HERC5: variants seen among roughly 807,000 people sequenced by gnomAD.
The protein encoded by HERC5 is HECT and RLD domain containing E3 ubiquitin protein ligase 5.
HERC5 carries 99 observed loss-of-function variants against 119.6 expected under a neutral mutation model. That is an observed-to-expected ratio of 0.83 (90% CI 0.70 to 0.98). The LOEUF is 0.98. HERC5 is among the 50% of genes least tolerant of loss of function. HERC5 has a pLI of 0.00. For missense variants in HERC5, 1,267 were observed against 1,241.3 expected, an observed-to-expected ratio of 1.02 and a Z score of -0.31; for synonymous variants, 478 against 445.9, an observed-to-expected ratio of 1.07 and a Z score of -0.91.
chr4:88,492,043 GC>G (rs573853068), intron 16 of HERC5, among the ~76,000 whole-genome samples: 208 of 152,094 alleles, frequency 1.4e-3, no homozygotes, highest in Non-Finnish European at 2.2e-3. Flanking sequence ...TCACTCTGTT[GC>G]CCAGGCTGGA....
intron 1 of HERC5, among the ~76,000 whole-genome samples, chr4:88,458,880 A>G (rs1163065483): frequency 6.6e-6 from 1 of 152,188 alleles, no homozygotes; most frequent in Non-Finnish European, 1.5e-5. Context: ...TTAAGAATAT[A>G]GGCATTGGTT....
rs1742095662 is a variant in HERC5 at position 88,506,039 on chromosome 4, A to T, written c.*161A>T. 9.5e-6 allele frequency: 6 copies of T among 633,604 alleles called. No individual in the cohort carries two copies. In the South Asian group the frequency reaches 1.3e-4, roughly 13 times the overall value. The allele number at this position is 633,604 out of a possible 1,614,324, so 39.2% of individuals were successfully genotyped here. A position where few individuals can be genotyped will look rare whatever the true frequency, so the allele number is the denominator to read the frequency against. Reference sequence around the variant, plus strand: ...GATAAGCAGGAAAGAGGGATGAAGAAGAGGGTTTACTGGCCGGTTAGAACC... The same window carrying T: ...GATAAGCAGGAAAGAGGGATGAAGATGAGGGTTTACTGGCCGGTTAGAACC... On this transcript the variant is annotated 3_prime_UTR_variant, in exon 23 of 23. Coordinates refer to ENST00000264350, the MANE Select transcript of HERC5 (RefSeq NM_016323.4).
intron 3 of HERC5, among the ~76,000 whole-genome samples, chr4:88,461,339 G>C (rs1470832698): frequency 6.6e-6 from 1 of 152,148 alleles, no homozygotes; most frequent in Non-Finnish European, 1.5e-5. Context: ...GTATGTACAA[G>C]GGTAAAGGGA....
Position 88,475,928 on chromosome 4 carries a change from C to T in HERC5, c.1480C>T (p.Pro494Ser). Residue 494 changes from proline (P) to serine (S), a missense_variant, in exon 12 of 23, where the codon CCA (proline) becomes TCA (serine). By Grantham distance (74) the Pro-to-Ser change is moderately conservative. Transcript: ENST00000264350. ...QEALEIFFLL[P>S]ECPMMHISNN... ...AGCTTTAGAAATTTTCTTCCTTCTC[C>T]CAGAATGTCCTATGATGCATATTTC... is the stretch of plus-strand genomic sequence containing the variant. 6.2e-7 allele frequency: 1 copy of T among 1,613,930 alleles called. No individual in the cohort carries two copies. The highest frequency in any genetic ancestry group is 1.3e-5 in the African/African-American group (1 of 75,028).
chr4:88,489,215 G>A lies in HERC5; in HGVS notation c.2012G>A (p.Arg671Lys). 6.2e-7 allele frequency: 1 copy of A among 1,613,894 alleles called. No individual in the cohort carries two copies. Among genetic ancestry groups the A allele is most frequent in the Non-Finnish European group, 8.5e-7 (1 of 1,179,910 alleles). Residue 671 changes from arginine (R) to lysine (K), a missense_variant, in exon 16 of 23, where the codon AGA (arginine) becomes AAA (lysine). Physicochemically the swap from Arg to Lys is conservative, Grantham distance 26. Coordinates refer to ENST00000264350, the MANE Select transcript of HERC5 (RefSeq NM_016323.4). ...AGGTCGGCAGCAATTGAGGAAGAAA[G>A]AGAGTCTGAATTCGCTTTGAGGCCC... ...YLRSAAIEEE[R>K]ESEFALRPTF...
In HERC5 at chr4:88,492,999, TC is replaced by T; in HGVS notation, c.2134-12del. The T allele has an allele frequency of 6.2e-7, 1 of 1,613,302 alleles. No individual in the cohort carries two copies. Among genetic ancestry groups the T allele is most frequent in the Non-Finnish European group, 8.5e-7 (1 of 1,179,448 alleles). On this transcript the variant is annotated splice_polypyrimidine_tract_variant and intron_variant, in intron 16 of 22. Coordinates refer to ENST00000264350, the MANE Select transcript of HERC5 (RefSeq NM_016323.4). ...GCCCTGGAAGTGATGTATTATTTGC[TC>T]TGTTTCCTCAGGTTTCATTTAGTGG...
rs529933327 is a variant in HERC5, at chr4:88,483,686, A to G, written c.1738-2429A>G. 2.0e-5 allele frequency among the ~76,000 whole-genome samples: 3 copies of G among 151,618 alleles called. No homozygotes were observed. The South Asian group carries it at 6.3e-4, about 32-fold the overall frequency. On this transcript the variant is annotated intron_variant, in intron 13 of 22. Coordinates refer to ENST00000264350, the MANE Select transcript of HERC5 (RefSeq NM_016323.4). Reference sequence around the variant, plus strand: ...CAGGAATATAGGCACATGCCACCCCACTTGGCTAATTTTTGAGTTTTTTGT... The same window carrying G: ...CAGGAATATAGGCACATGCCACCCCGCTTGGCTAATTTTTGAGTTTTTTGT...
At position 88,494,437 on chromosome 4, in the gene HERC5, A is replaced by G. The variant is rs892941279; in HGVS notation, c.2444+106A>G. 5.8e-5 allele frequency: 55 copies of G among 950,504 alleles called. No individual in the cohort carries two copies. The South Asian group carries it at 8.2e-4, about 14-fold the overall frequency. The allele number at this position is 950,504 out of a possible 1,614,324, so 58.9% of individuals were successfully genotyped here. On this transcript the variant is annotated intron_variant, in intron 18 of 22. Transcript: ENST00000264350. ...TTTCCATGTTCAACAGCAGCATTTT[A>G]GGTACTTTAGACCAGTTTTAACTTT...
chr4:88,468,323 T>G lies in HERC5; in HGVS notation c.1058-23T>G, dbSNP rs17014147. 0.013 allele frequency: 19,994 copies of G among 1,564,386 alleles called. 1,177 individuals carry two copies. The African/African-American group carries it at 0.16, about 12-fold the overall frequency. ...TGTGCCAAATGACTTTCTAAAACTC[T>G]TACTCTTTGTGCATCCTTTCAGAAA... On this transcript the variant is annotated intron_variant, in intron 7 of 22. Coordinates refer to ENST00000264350, the MANE Select transcript of HERC5 (RefSeq NM_016323.4).
At position 88,488,883 on chromosome 4, in the gene HERC5, G is replaced by A. The variant is rs1469653810; in HGVS notation, c.1963-283G>A. On this transcript the variant is annotated intron_variant, in intron 15 of 22. Transcript: ENST00000264350. ...TTTGGTATCTTAAGCATTAATAATTGTGTGTATAGGAGAAAGTGGTCCTTT... is the reference window on the plus strand; with the variant it reads ...TTTGGTATCTTAAGCATTAATAATTATGTGTATAGGAGAAAGTGGTCCTTT... Among the ~76,000 whole-genome samples, 9 of 152,246 alleles carry A rather than the reference G, an allele frequency of 5.9e-5. No homozygotes were observed. In the South Asian group the frequency reaches 1.9e-3, roughly 32 times the overall value.
intron 6 of HERC5, among the ~76,000 whole-genome samples, chr4:88,465,953 C>T (rs1740649168): frequency 6.6e-6 from 1 of 152,106 alleles, no homozygotes; most frequent in Middle Eastern, 3.2e-3. Context: ...GAGAAATTCA[C>T]CCAAGTTGAG....
At chr4:88,500,200 C>G (rs1741908153) in intron 19 of HERC5, among the ~76,000 whole-genome samples, 1 of 152,088 alleles carries the variant, frequency 6.6e-6, no homozygotes, top group African/African-American at 2.4e-5. Flanking sequence ...AGAACAAATA[C>G]AATTTTGTGG....
At chr4:88,502,327 A>G (rs1218299511) in intron 20 of HERC5, among the ~76,000 whole-genome samples, 1 of 152,184 alleles carries the variant, frequency 6.6e-6, no homozygotes, top group Admixed American at 6.5e-5. Context: ...TGCCATATGT[A>G]AGCCAGAGAG....
chr4:88,468,320 C>A, intron 7 of HERC5, 26 bp from the exon 8 acceptor site: 1 of 1,540,352 alleles, frequency 6.5e-7, no homozygotes, highest in Non-Finnish European at 8.9e-7. Context: ...CTTTCTAAAA[C>A]TCTTACTCTT....
chr4:88,491,340 G>GCACT (rs1741633357), intron 16 of HERC5, among the ~76,000 whole-genome samples: 1 of 152,168 alleles, frequency 6.6e-6, no homozygotes, highest in South Asian at 2.1e-4. Context: ...GAGAGAAAAT[G>GCACT]CACTGAATCT....
intron 16 of HERC5, among the ~76,000 whole-genome samples, chr4:88,490,576 GCTCATGC>G (rs1239186107): frequency 2.0e-5 from 3 of 152,162 alleles, no homozygotes; most frequent in African/African-American, 7.2e-5. Flanking sequence ...AGACACAGTG[GCTCATGC>G]CTGTAATCCT....
chr4:88,459,470 G>C lies in HERC5; in HGVS notation c.389G>C (p.Arg130Thr), dbSNP rs1479788876. ...EYDNYSMKHL[R>T]FESILQEKKI... The stretch of plus-strand genomic sequence containing the variant: ...GACAACTATAGCATGAAACATCTAA[G>C]GTAGGGAACTTTTTTCTTTTATTAA... Residue 130 changes from arginine to threonine, a missense_variant and splice_region_variant, in exon 2 of 23, where the codon AGG (arginine) becomes ACG (threonine). This residue lies in a region of HERC5 where 777 missense variants were observed against 758.0 expected (regional missense o/e 1.03). Transcript: ENST00000264350. 6 of 1,525,062 alleles carry C rather than the reference G, an allele frequency of 3.9e-6. No homozygotes were observed. Among genetic ancestry groups the C allele is most frequent in the Non-Finnish European group, 5.3e-6 (6 of 1,139,408 alleles). The allele number at this position is 1,525,062 out of a possible 1,614,324, so 94.5% of individuals were successfully genotyped here.
In HERC5 at chr4:88,457,227, T is replaced by G; in HGVS notation, c.-43T>G. The G allele has an allele frequency of 7.7e-7, 1 of 1,290,904 alleles. No homozygotes were observed. The highest frequency in any genetic ancestry group is 9.8e-7 in the Non-Finnish European group (1 of 1,017,368). 80.0% of individuals were successfully genotyped at this position (1,290,904 alleles called of 1,614,324 possible). ...GCGCGCTCAGTCCCGGGACCAGGCG[T>G]TCTCTCCTCTCGCCTCTGGGCCTGG... On this transcript the variant is annotated 5_prime_UTR_variant, in exon 1 of 23. Coordinates refer to ENST00000264350, the MANE Select transcript of HERC5 (RefSeq NM_016323.4).
intron 13 of HERC5, among the ~76,000 whole-genome samples, chr4:88,482,168 G>C (rs987154594): frequency 3.9e-5 from 6 of 152,094 alleles, no homozygotes; most frequent in African/African-American, 1.4e-4. Context: ...AAGTTAGCTG[G>C]GTGTGGTGGC....
Sources: gnomAD v4.1 joint callset for allele counts (sites outside exome capture counted in the v4.1 genomes callset) on GRCh38, gnomAD v4.1.1 for gene constraint, gnomAD v4.1.1 regional missense constraint, MANE v1.5 for transcripts, NCBI Gene and HGNC (gene_info 2026-07-23, HGNC 2026-07-21) for gene names.